PRORP: variants seen among roughly 807,000 people sequenced by gnomAD.
The protein encoded by PRORP is protein only RNase P catalytic subunit, also known as mitochondrial ribonuclease P catalytic subunit.
In PRORP, 51 loss-of-function variants were observed where a neutral mutation model predicts 59.4. That is an observed-to-expected ratio of 0.86 (90% CI 0.69 to 1.08). The LOEUF (loss-of-function observed/expected upper bound fraction) is 1.08. Ranked by LOEUF, PRORP falls within the 50% of genes least tolerant of loss-of-function variation. The probability of loss-of-function intolerance (pLI) is 0.00; values close to 1 mark genes in which losing one functional copy is unlikely to be tolerated. For missense variants in PRORP, 646 were observed against 690.3 expected (o/e 0.94, Z 0.72); for synonymous variants, 231 against 245.6 (o/e 0.94, Z 0.55).
intron 5 of PRORP, among the ~76,000 whole-genome samples, chr14:35,188,652 T>C (rs943492305): frequency 2.0e-5 from 3 of 152,044 alleles, no homozygotes; most frequent in African/African-American, 7.2e-5. Context: ...TTTTCTTTTG[T>C]TGCCTGTGCT....
At chr14:35,164,119 A>T (rs2048125422) in intron 4 of PRORP, among the ~76,000 whole-genome samples, 1 of 152,158 alleles carries the variant, frequency 6.6e-6, no homozygotes, top group Non-Finnish European at 1.5e-5. Context: ...ATTCTGTTCC[A>T]TTGGTCTCTA....
At chr14:35,127,361 G>A in intron 3 of PRORP, 118 bp from the exon 4 acceptor site, 1 of 709,068 alleles carries the variant, frequency 1.4e-6, no homozygotes, top group South Asian at 3.0e-5. Flanking sequence ...TTATCACAAA[G>A]GTTTTAATGT....
chr14:35,195,922 T>C (rs2048996787), intron 5 of PRORP, among the ~76,000 whole-genome samples: 1 of 152,184 alleles, frequency 6.6e-6, no homozygotes, highest in South Asian at 2.1e-4. Context: ...GTTATGACTT[T>C]AAGAAACATA....
Position 35,127,618 on chromosome 14 carries a change from C to T in PRORP, c.1167+7C>T. 6.2e-7 allele frequency: 1 copy of T among 1,613,626 alleles called. No homozygotes were observed. The highest frequency in any genetic ancestry group is 8.5e-7 in the Non-Finnish European group (1 of 1,179,818). On this transcript the variant is annotated splice_region_variant and intron_variant, in intron 4 of 7. Transcript: ENST00000534898. Reference sequence around the variant, plus strand: ...CAGAAAGACAACACCTCAGGTGAGTCTAACAAGTTTTATTTCTTCTTGGAT... The same window carrying T: ...CAGAAAGACAACACCTCAGGTGAGTTTAACAAGTTTTATTTCTTCTTGGAT...
At chr14:35,258,768 G>A (rs866862085) in intron 5 of PRORP, among the ~76,000 whole-genome samples, 4 of 152,278 alleles carry the variant, frequency 2.6e-5, no homozygotes, top group South Asian at 4.1e-4. Flanking sequence ...AGAATGAACC[G>A]CGTATTGTTT....
At chr14:35,175,956 T>C (rs2048438645) in intron 4 of PRORP, among the ~76,000 whole-genome samples, 3 of 152,150 alleles carry the variant, frequency 2.0e-5, no homozygotes, top group South Asian at 2.1e-4. Context: ...GCTTTCTACA[T>C]ATGGCTAGCC....
At chr14:35,233,776 T>G (rs2050140183) in intron 5 of PRORP, among the ~76,000 whole-genome samples, 1 of 152,222 alleles carries the variant, frequency 6.6e-6, no homozygotes, top group African/African-American at 2.4e-5. Context: ...TCACAGCATG[T>G]GTTTTTCCTG....
At chr14:35,221,494 T>C (rs969434490) in intron 5 of PRORP, among the ~76,000 whole-genome samples, 2 of 152,146 alleles carry the variant, frequency 1.3e-5, no homozygotes, top group African/African-American at 2.4e-5. Flanking sequence ...TTTTTTGAAA[T>C]ATTGTTTGTC....
chr14:35,251,712 G>A (rs1034032566), intron 5 of PRORP, among the ~76,000 whole-genome samples: 7 of 151,922 alleles, frequency 4.6e-5, no homozygotes, highest in Admixed American at 2.6e-4. Context: ...CCACCACCGC[G>A]CCCAGCTAAT....
At chr14:35,268,619 G>A (rs770457914) in intron 6 of PRORP, among the ~76,000 whole-genome samples, 9 of 151,944 alleles carry the variant, frequency 5.9e-5, no homozygotes, top group Non-Finnish European at 8.8e-5. Context: ...TTATTGAGAC[G>A]GAGTCTCACT....
chr14:35,263,050 T>C, intron 5 of PRORP: 1 of 1,530,006 alleles, frequency 6.5e-7, no homozygotes, highest in Non-Finnish European at 8.9e-7. Flanking sequence ...CTAAGAGTTG[T>C]CCAGCTTCTG....
At chr14:35,155,325 C>T (rs1300462662) in intron 4 of PRORP, among the ~76,000 whole-genome samples, 1 of 151,994 alleles carries the variant, frequency 6.6e-6, no homozygotes, top group Non-Finnish European at 1.5e-5. Flanking sequence ...CAAGATTGGT[C>T]ATGAGATGAT....
intron 4 of PRORP, among the ~76,000 whole-genome samples, chr14:35,131,414 A>G (rs1440738814): frequency 6.6e-6 from 1 of 152,126 alleles, no homozygotes. Flanking sequence ...TTCCTTCAGC[A>G]CTTTAAATAT....
intron 5 of PRORP, among the ~76,000 whole-genome samples, chr14:35,195,242 T>C (rs2139102864): frequency 6.6e-6 from 1 of 152,266 alleles, no homozygotes; most frequent in African/African-American, 2.4e-5. Context: ...TTCAGAAATC[T>C]GTTCTGCAGA....
chr14:35,122,116 A>G, upstream of PRORP: 1 of 658,518 alleles, frequency 1.5e-6, no homozygotes, highest in Non-Finnish European at 2.6e-6. Context: ...AGAGGCAAAA[A>G]CAATTACTGT....
At chr14:35,186,096 C>A (rs1439109931) in intron 5 of PRORP, among the ~76,000 whole-genome samples, 3 of 151,886 alleles carry the variant, frequency 2.0e-5, no homozygotes, top group African/African-American at 7.3e-5. Context: ...CACCCCCCAA[C>A]CTCAGCCTTC....
intron 5 of PRORP, among the ~76,000 whole-genome samples, chr14:35,207,241 C>G (rs1457294057): frequency 6.6e-6 from 1 of 152,178 alleles, no homozygotes; most frequent in Non-Finnish European, 1.5e-5. Flanking sequence ...TTATTGCCTA[C>G]ACGCTTTAAC....
intron 6 of PRORP, among the ~76,000 whole-genome samples, chr14:35,268,359 A>AAG (rs2051099462): frequency 6.6e-6 from 1 of 151,464 alleles, no homozygotes; most frequent in Non-Finnish European, 1.5e-5. Context: ...AAAAAAAAAA[A>AAG]AAAACAACCC....
At chr14:35,250,677 T>C (rs976395429) in intron 5 of PRORP, among the ~76,000 whole-genome samples, 3 of 152,114 alleles carry the variant, frequency 2.0e-5, no homozygotes, top group African/African-American at 7.2e-5. Context: ...AGGAAGGAAA[T>C]GTACTTCAGC....
Sources: allele counts gnomAD v4.1 joint callset (sites outside exome capture counted in the v4.1 genomes callset), GRCh38; gene constraint gnomAD v4.1.1; transcripts MANE v1.5; gene names NCBI Gene and HGNC (gene_info 2026-07-23, HGNC 2026-07-21).